Variants in RASAL2 observed in about 807,000 individuals in gnomAD.
RASAL2 encodes the protein ras GTPase-activating protein nGAP.
In RASAL2, 58 loss-of-function variants were observed where a neutral mutation model predicts 128.9. The ratio of observed to expected loss-of-function variants is 0.45; its 90% CI spans 0.36 to 0.56. RASAL2 has a LOEUF of 0.56. Ranked by LOEUF, RASAL2 falls within the 20% of genes least tolerant of loss-of-function variation. The probability of loss-of-function intolerance (pLI) is 0.00; values close to 1 mark genes in which losing one functional copy is unlikely to be tolerated. For missense variants in RASAL2, 1,360 were observed against 1,601.6 expected (o/e 0.85, Z 2.57); for synonymous variants, 561 against 580.8 (o/e 0.97, Z 0.49).
chr1:178,248,363 T>C (rs888211099), intron 1 of RASAL2, among the ~76,000 whole-genome samples: 2 of 152,192 alleles, frequency 1.3e-5, no homozygotes, highest in Non-Finnish European at 2.9e-5. Flanking sequence ...TGGTTTAAAG[T>C]CTGTTTTATC....
At chr1:178,186,055 A>G (rs1461295043) in intron 1 of RASAL2, among the ~76,000 whole-genome samples, 1 of 152,112 alleles carries the variant, frequency 6.6e-6, no homozygotes, top group Non-Finnish European at 1.5e-5. Flanking sequence ...ATTCAATATC[A>G]TTAATAAATA....
At chr1:178,223,468 G>A (rs923150650) in intron 1 of RASAL2, among the ~76,000 whole-genome samples, 2 of 152,128 alleles carry the variant, frequency 1.3e-5, no homozygotes, top group Non-Finnish European at 2.9e-5. Flanking sequence ...GCCCTGTGGT[G>A]GGAAGGAGAG....
intron 1 of RASAL2, among the ~76,000 whole-genome samples, chr1:178,118,613 A>G (rs988902720): frequency 7.9e-5 from 12 of 152,338 alleles, no homozygotes; most frequent in African/African-American, 2.9e-4. Flanking sequence ...AACTCTTTTG[A>G]AAGCTGAGAT....
At chr1:178,113,560 GTGTGTA>G (rs1160270526) in intron 1 of RASAL2, among the ~76,000 whole-genome samples, 7 of 134,148 alleles carry the variant, frequency 5.2e-5, no homozygotes, top group Admixed American at 1.6e-4. Flanking sequence ...GTGTGTGTGT[GTGTGTA>G]GAGGCAGAGT....
intron 3 of RASAL2, among the ~76,000 whole-genome samples, chr1:178,324,306 A>G (rs982713535): frequency 6.6e-6 from 1 of 151,988 alleles, no homozygotes; most frequent in African/African-American, 2.4e-5. Context: ...TGTAATCCCA[A>G]CTACTTGGGA....
rs576962177 is a variant in RASAL2, at chr1:178,207,926, G to A, written c.203-75638G>A. On this transcript the variant is annotated intron_variant, in intron 1 of 17. Transcript: ENST00000367649. ...TTGCGGGAGGTCAGGGACCCCAAAC[G>A]GACTGGCTGGAGCCACGGCAGAGGA... Among the ~76,000 whole-genome samples the A allele has an allele frequency of 8.5e-5, 13 of 152,214 alleles. No individual in the cohort carries two copies. In the South Asian group the frequency reaches 1.5e-3, roughly 17 times the overall value.
chr1:178,202,150 A>T (rs1662894587), intron 1 of RASAL2, among the ~76,000 whole-genome samples: 2 of 152,198 alleles, frequency 1.3e-5, no homozygotes. Context: ...TATGGAGGTC[A>T]GGTAATTAAT....
intron 1 of RASAL2, among the ~76,000 whole-genome samples, chr1:178,267,007 G>C (rs1444326276): frequency 6.6e-6 from 1 of 152,096 alleles, no homozygotes; most frequent in East Asian, 1.9e-4. Context: ...AGCTCTAAGA[G>C]CTGGGCTTTC....
In RASAL2 at chr1:178,473,277, C is replaced by T; in HGVS notation, c.*38C>T. The stretch of plus-strand genomic sequence containing the variant: ...GTGGAAGGAGACAGAAGGAAATTGA[C>T]CCACTCTCCTATCTCCAGACCTTTA... On this transcript the variant is annotated 3_prime_UTR_variant, in exon 18 of 18. Coordinates refer to ENST00000367649, the MANE Select transcript of RASAL2 (RefSeq NM_170692.4). The T allele has an allele frequency of 1.2e-6, 2 of 1,610,608 alleles. No homozygotes were observed.
At chr1:178,311,837 G>C (rs2102304798) in intron 3 of RASAL2, among the ~76,000 whole-genome samples, 1 of 151,238 alleles carries the variant, frequency 6.6e-6, no homozygotes, top group African/African-American at 2.4e-5. Flanking sequence ...AGAAGAAGAA[G>C]AAAAGAAAAA....
At chr1:178,287,557 C>T (rs1384544762) in intron 2 of RASAL2, among the ~76,000 whole-genome samples, 1 of 152,196 alleles carries the variant, frequency 6.6e-6, no homozygotes, top group Non-Finnish European at 1.5e-5. Context: ...TTTACAGCAG[C>T]ACAATTCGCA....
chr1:178,208,436 C>T (rs1663131318), intron 1 of RASAL2, among the ~76,000 whole-genome samples: 1 of 152,026 alleles, frequency 6.6e-6, no homozygotes, highest in Admixed American at 6.6e-5. Context: ...TGAGATACGC[C>T]CTGGTCTTCT....
intron 1 of RASAL2, among the ~76,000 whole-genome samples, chr1:178,236,904 C>T (rs1233495573): frequency 6.6e-6 from 1 of 151,834 alleles, no homozygotes. Context: ...GCTGGGATTA[C>T]GGGTGCACAG....
intron 1 of RASAL2, among the ~76,000 whole-genome samples, chr1:178,127,115 A>T (rs1659929871): frequency 6.6e-6 from 1 of 152,184 alleles, no homozygotes. Flanking sequence ...ACCTGTAATG[A>T]TTAATATTTC....
intron 1 of RASAL2, among the ~76,000 whole-genome samples, chr1:178,164,507 G>A (rs921028680): frequency 2.4e-4 from 22 of 91,326 alleles, no homozygotes; most frequent in Admixed American, 3.3e-4. Context: ...GTGTGTGTGC[G>A]TGTGTGTGTG....
At chr1:178,354,366 T>A (rs776985064) in intron 3 of RASAL2, among the ~76,000 whole-genome samples, 63 of 152,218 alleles carry the variant, frequency 4.1e-4, no homozygotes, top group Middle Eastern at 3.2e-3. Context: ...TGATTAGTGA[T>A]ATCTACAAAA....
chr1:178,221,783 G>A (rs1366893940), intron 1 of RASAL2, among the ~76,000 whole-genome samples: 2 of 152,068 alleles, frequency 1.3e-5, no homozygotes, highest in African/African-American at 2.4e-5. Context: ...GTGAATTGCC[G>A]GTGCTGTTGA....
rs767740840 is a variant in RASAL2 at position 178,443,083 on chromosome 1, A to G, written c.1336A>G (p.Met446Val). Residue 446 changes from methionine to valine, a missense_variant, in exon 8 of 18, where the codon ATG (methionine) becomes GTG (valine). Met to Val is a conservative substitution (Grantham distance 21, BLOSUM62 1). Around this residue, in one of 3 missense-constraint regions of RASAL2, gnomAD observed 617 missense variants for 714.2 expected, o/e 0.86. Transcript: ENST00000367649. ...TTTCCAAACTATCACCATTCTGCCT[A>G]TGGAGCAATACAAAGAATTTGCAGA... ...SRFQTITILPMEQYKEFAEFV... is the reference protein window; with the variant it reads ...SRFQTITILPVEQYKEFAEFV... 15 of 1,613,872 alleles carry G rather than the reference A, an allele frequency of 9.3e-6. No homozygotes were observed. Among genetic ancestry groups the G allele is most frequent in the Non-Finnish European group, 1.2e-5 (14 of 1,179,944 alleles).
intron 4 of RASAL2, among the ~76,000 whole-genome samples, chr1:178,412,513 A>G (rs1180158890): frequency 3.9e-5 from 6 of 152,140 alleles, no homozygotes; most frequent in Non-Finnish European, 8.8e-5. Flanking sequence ...GGTGACCACA[A>G]AATTTTGAAA....
Sources: gnomAD v4.1 joint callset for allele counts (sites outside exome capture counted in the v4.1 genomes callset) on GRCh38, gnomAD v4.1.1 for gene constraint, gnomAD v4.1.1 regional missense constraint, MANE v1.5 for transcripts, NCBI Gene and HGNC (gene_info 2026-07-23, HGNC 2026-07-21) for gene names.